The following ZNHIT1 variants were observed in gnomAD, a reference collection of about 807,000 sequenced individuals.
ZNHIT1 encodes the protein zinc finger HIT-type containing 1, also known as zinc finger HIT domain-containing protein 1.
A neutral mutation model predicts 21.4 loss-of-function variants in ZNHIT1; 20 were observed. The observed-to-expected ratio is 0.93, with a 90% confidence interval of 0.66 to 1.36. ZNHIT1 has a LOEUF of 1.36. Among genes scored for constraint, ZNHIT1 ranks in the 40% most tolerant of loss-of-function variants. The pLI, the probability that ZNHIT1 is intolerant of heterozygous loss-of-function variation, is 0.00. For synonymous variants in ZNHIT1, 79 were observed against 84.0 expected (o/e 0.94, Z 0.32); for missense variants, 170 against 213.5 (o/e 0.80, Z 1.27).
At chr7:101,222,358 A>G in intron 1 of ZNHIT1, 1 of 491,060 alleles carries the variant, frequency 2.0e-6, no homozygotes, top group Non-Finnish European at 3.6e-6. Flanking sequence ...ACTGGCTGGG[A>G]CTGGGATTGA....
At chr7:101,218,518 C>T in intron 1 of ZNHIT1, 1 of 426,916 alleles carries the variant, frequency 2.3e-6, no homozygotes, top group South Asian at 4.0e-5. Flanking sequence ...CAAAGCGATC[C>T]TCCTGCGTGG....
In ZNHIT1 at chr7:101,224,106, G is replaced by A; in HGVS notation, c.*148G>A. On this transcript the variant is annotated 3_prime_UTR_variant, in exon 5 of 5. Transcript: ENST00000305105. Reference sequence around the variant, plus strand: ...AACAAAACTGTGTCTTATCTGCCAGGAAAGACCAGCCTCACTCCTGGGAAC... The same window carrying A: ...AACAAAACTGTGTCTTATCTGCCAGAAAAGACCAGCCTCACTCCTGGGAAC... 8.0e-7 allele frequency: 1 copy of A among 1,246,400 alleles called. No homozygotes were observed. Among genetic ancestry groups the A allele is most frequent in the Non-Finnish European group, 1.1e-6 (1 of 882,290 alleles). The allele number at this position is 1,246,400 out of a possible 1,614,324, so 77.2% of individuals were successfully genotyped here. A position where few individuals can be genotyped will look rare whatever the true frequency, so the allele number is the denominator to read the frequency against.
At chr7:101,219,131 G>A (rs1798331330) in intron 1 of ZNHIT1, 2 of 152,048 alleles carry the variant, frequency 1.3e-5, no homozygotes, top group Admixed American at 1.3e-4. Context: ...TTTAGACAGA[G>A]TCTTGCTCTG....
rs768144269 is a variant in ZNHIT1 at position 101,223,716 on chromosome 7, C to T, written c.317C>T (p.Ala106Val). Residue 106 changes from alanine (A) to valine (V), a missense_variant, in exon 4 of 5, where the codon GCG becomes GTG. Ala to Val is a moderately conservative substitution (Grantham distance 64). Coordinates refer to ENST00000305105, the MANE Select transcript of ZNHIT1 (RefSeq NM_006349.3). ...AEGPNYLTACAGPPSRPQRPF... is the reference protein window; with the variant it reads ...AEGPNYLTACVGPPSRPQRPF... ...GGCCCTAACTACCTGACGGCCTGTG[C>T]GGGACCCCCATCGCGGCCCCAGCGC... 20 of 1,612,068 alleles carry T rather than the reference C, an allele frequency of 1.2e-5. No individual in the cohort carries two copies. Among genetic ancestry groups the T allele is most frequent in the Admixed American group, 6.7e-5 (4 of 59,806 alleles).
At chr7:101,219,953 A>G (rs1420590869) in intron 1 of ZNHIT1, 1 of 152,070 alleles carries the variant, frequency 6.6e-6, no homozygotes, top group African/African-American at 2.4e-5. Flanking sequence ...AGCCTACTCC[A>G]TGCTGTACTT....
rs201678311 is a variant in ZNHIT1, at chr7:101,223,987, G to A, written c.*29G>A. On this transcript the variant is annotated 3_prime_UTR_variant, in exon 5 of 5. Transcript: ENST00000305105. ...TGGGCATTCCCAGAGAGGAAGGGCC[G>A]CTGTGCACTGCCCGGCCTTCAGAAA... 1.9e-5 allele frequency: 30 copies of A among 1,614,078 alleles called. No individual in the cohort carries two copies. Among genetic ancestry groups the A allele is most frequent in the East Asian group, 4.5e-5 (2 of 44,882 alleles).
chr7:101,218,404 G>T (rs766872694), intron 1 of ZNHIT1, 187 bp downstream of exon 1: 1 of 631,186 alleles, frequency 1.6e-6, no homozygotes. Flanking sequence ...CTCCGGAGTG[G>T]CTGGAACTGC....
chr7:101,220,990 G>C (rs924948055), intron 1 of ZNHIT1: 2 of 152,214 alleles, frequency 1.3e-5, no homozygotes, highest in Non-Finnish European at 2.9e-5. Flanking sequence ...GACCTGAAGT[G>C]ATGAGCCCAC....
At chr7:101,222,916 C>T in intron 2 of ZNHIT1, 142 bp downstream of exon 2, 1 of 1,019,140 alleles carries the variant, frequency 9.8e-7, no homozygotes. Context: ...AACCACACCC[C>T]CTTTCTGTGC....
At position 101,222,719 on chromosome 7, in the gene ZNHIT1, G is replaced by A. The variant is rs757463641; in HGVS notation, c.138G>A (p.Ala46=). Reference sequence around the variant, plus strand: ...ACAACTTCCAGGATGACCCCCACGCGGGACTCCCTCAGCTCGGCAAGAGAC... The same window carrying A: ...ACAACTTCCAGGATGACCCCCACGCAGGACTCCCTCAGCTCGGCAAGAGAC... ...ENDNFQDDPH[A]GLPQLGKRLP... Residue 46 remains alanine (A), a synonymous_variant, in exon 2 of 5, where the codon GCG becomes GCA. Coordinates refer to ENST00000305105, the MANE Select transcript of ZNHIT1 (RefSeq NM_006349.3). The A allele has an allele frequency of 8.7e-6, 14 of 1,614,068 alleles. No individual in the cohort carries two copies. Among genetic ancestry groups the A allele is most frequent in the African/African-American group, 1.3e-5 (1 of 74,938 alleles).
Position 101,218,236 on chromosome 7 carries a change from T to G in ZNHIT1, c.22+19T>G. 6.2e-7 allele frequency: 1 copy of G among 1,610,718 alleles called. No individual in the cohort carries two copies. Among genetic ancestry groups the G allele is most frequent in the Non-Finnish European group, 8.5e-7 (1 of 1,178,192 alleles). On this transcript the variant is annotated intron_variant, in intron 1 of 4. Transcript: ENST00000305105. Reference sequence around the variant, plus strand: ...ACTTCGGGTATGTGAGCCCCCGCGGTTCGCCCCCTTCCCCTTCCCAAGTCA... The same window carrying G: ...ACTTCGGGTATGTGAGCCCCCGCGGGTCGCCCCCTTCCCCTTCCCAAGTCA...
intron 1 of ZNHIT1, chr7:101,220,084 A>G (rs909974291): frequency 2.9e-5 from 4 of 137,960 alleles, no homozygotes; most frequent in Admixed American, 7.2e-5. Context: ...GATCATAATC[A>G]TATTTTTTTT....
At position 101,218,234 on chromosome 7, in the gene ZNHIT1, G is replaced by C. The variant is rs1255491659; in HGVS notation, c.22+17G>C. On this transcript the variant is annotated intron_variant, in intron 1 of 4. Coordinates refer to ENST00000305105, the MANE Select transcript of ZNHIT1 (RefSeq NM_006349.3). ...AAACTTCGGGTATGTGAGCCCCCGCGGTTCGCCCCCTTCCCCTTCCCAAGT... is the reference window on the plus strand; with the variant it reads ...AAACTTCGGGTATGTGAGCCCCCGCCGTTCGCCCCCTTCCCCTTCCCAAGT... 4 of 1,611,350 alleles carry C rather than the reference G, an allele frequency of 2.5e-6. No homozygotes were observed. The highest frequency in any genetic ancestry group is 3.4e-6 in the Non-Finnish European group (4 of 1,178,720).
intron 2 of ZNHIT1, among the ~76,000 whole-genome samples, chr7:101,222,983 C>T (rs893933420): frequency 5.3e-5 from 8 of 152,292 alleles, no homozygotes; most frequent in South Asian, 2.1e-4. Flanking sequence ...AGCTCTGACA[C>T]GAAGCCTTAG....
chr7:101,223,847 G>A lies in ZNHIT1; in HGVS notation c.443+5G>A, dbSNP rs377595945. The stretch of plus-strand genomic sequence containing the variant: ...GGGGACCCACCAGGAGACCAGGTGA[G>A]CATGAGACCTGCTGTCCACTCCCAC... On this transcript the variant is annotated splice_donor_5th_base_variant and intron_variant, in intron 4 of 4. Transcript: ENST00000305105. The A allele has an allele frequency of 1.5e-5, 24 of 1,613,970 alleles. No homozygotes were observed. The highest frequency in any genetic ancestry group is 1.6e-4 in the Middle Eastern group (1 of 6,082).
rs755955655 is a variant in ZNHIT1, at chr7:101,223,687, C to T, written c.288C>T (p.Ala96=). The T allele has an allele frequency of 1.3e-5, 21 of 1,610,270 alleles. No individual in the cohort carries two copies. The highest frequency in any genetic ancestry group is 4.5e-5 in the East Asian group (2 of 44,806). The change falls in exon 4 of 5, where the codon GCC becomes GCT. Residue 96 remains alanine (A), a synonymous_variant. Transcript: ENST00000305105. ...TGTCTCTGCAGAACTTGAGTGTGGCCGAGGGCCCTAACTACCTGACGGCCT... is the reference window on the plus strand; with the variant it reads ...TGTCTCTGCAGAACTTGAGTGTGGCTGAGGGCCCTAACTACCTGACGGCCT... The part of the protein sequence containing the change: ...ALLEEQNLSV[A]EGPNYLTACA...
rs773927841 is a variant in ZNHIT1, at chr7:101,223,524, C to A, written c.241C>A (p.Arg81=). Residue 81 remains arginine, a synonymous_variant, in exon 3 of 5, where the codon CGA becomes AGA. Transcript: ENST00000305105. ...AGGTGATCATTTTAAACTTCGCTTCCGAAAAAACTTTCAGGCCCTGTTGGA... is the reference window on the plus strand; with the variant it reads ...AGGTGATCATTTTAAACTTCGCTTCAGAAAAAACTTTCAGGCCCTGTTGGA... The part of the protein sequence containing the change: ...TRGDHFKLRF[R]KNFQALLEEQ... 1 of 1,614,046 alleles carries A rather than the reference C, an allele frequency of 6.2e-7. No homozygotes were observed. The highest frequency in any genetic ancestry group is 1.7e-5 in the Admixed American group (1 of 59,994).
At chr7:101,220,540 C>T (rs1325806247) in intron 1 of ZNHIT1, 1 of 152,142 alleles carries the variant, frequency 6.6e-6, no homozygotes, top group Non-Finnish European at 1.5e-5. Flanking sequence ...GATGATGATA[C>T]TGTCCCATAC....
At chr7:101,219,930 A>G (rs1798343781) in intron 1 of ZNHIT1, 1 of 151,960 alleles carries the variant, frequency 6.6e-6, no homozygotes, top group Non-Finnish European at 1.5e-5. Flanking sequence ...AGCACTTTAT[A>G]CTTCCGTATC....
Sources: gnomAD v4.1 joint callset for allele counts (sites outside exome capture counted in the v4.1 genomes callset) on GRCh38, gnomAD v4.1.1 for gene constraint, MANE v1.5 for transcripts, NCBI Gene and HGNC (gene_info 2026-07-23, HGNC 2026-07-21) for gene names.